NRG3: variants seen among roughly 807,000 people sequenced by gnomAD.
The protein encoded by NRG3 is neuregulin 3.
NRG3 carries 31 observed loss-of-function variants against 66.9 expected under a neutral mutation model. The observed-to-expected ratio is 0.46, with a 90% CI of 0.35 to 0.63. The LOEUF (loss-of-function observed/expected upper bound fraction) is 0.63, where lower values mean the gene tolerates loss of function less well. Ranked by LOEUF, NRG3 falls within the 20% of genes least tolerant of loss-of-function variation. The probability of loss-of-function intolerance (pLI) is 0.00; values close to 1 mark genes in which losing one functional copy is unlikely to be tolerated. For synonymous variants in NRG3, 393 were observed against 359.4 expected, an observed-to-expected ratio of 1.09 and a Z score of -1.06; for missense variants, 910 against 878.9, an observed-to-expected ratio of 1.04 and a Z score of -0.45.
At chr10:82,664,641 G>T (rs1390988032) in intron 2 of NRG3, among the ~76,000 whole-genome samples, 3 of 151,998 alleles carry the variant, frequency 2.0e-5, no homozygotes, top group Non-Finnish European at 4.4e-5. Flanking sequence ...TGGATGGAGG[G>T]TCTTCAGGGG....
At chr10:82,597,334 TG>T (rs2047345501) in intron 2 of NRG3, among the ~76,000 whole-genome samples, 1 of 152,176 alleles carries the variant, frequency 6.6e-6, no homozygotes, top group South Asian at 2.1e-4. Flanking sequence ...TTAGAACAAA[TG>T]CAGAATTTCA....
rs562612207 is a variant in NRG3 at position 82,838,373 on chromosome 10, C to A, written c.1028-27038C>A. On this transcript the variant is annotated intron_variant, in intron 3 of 8. Coordinates refer to ENST00000372141, the MANE Select transcript of NRG3 (RefSeq NM_001010848.4). ...AGAGACGAAAAGAAGAGATTTTGTA[C>A]CATTCATGATGACATTTGAAAATAA... 2.6e-4 allele frequency among the ~76,000 whole-genome samples: 39 copies of A among 152,164 alleles called. No individual in the cohort carries two copies. In the South Asian group the frequency reaches 8.1e-3, roughly 32 times the overall value.
intron 1 of NRG3, among the ~76,000 whole-genome samples, chr10:82,198,046 G>T (rs989824794): frequency 1.3e-5 from 2 of 152,028 alleles, no homozygotes; most frequent in African/African-American, 2.4e-5. Context: ...TGAACATTTT[G>T]TACACAATAG....
chr10:82,622,188 C>T (rs1202901758), intron 2 of NRG3, among the ~76,000 whole-genome samples: 1 of 151,894 alleles, frequency 6.6e-6, no homozygotes, highest in Admixed American at 6.6e-5. Flanking sequence ...GAAAAGTTAG[C>T]TATGCTATTT....
intron 1 of NRG3, among the ~76,000 whole-genome samples, chr10:81,882,172 T>A (rs1169307610): frequency 1.3e-5 from 2 of 152,218 alleles, no homozygotes; most frequent in Non-Finnish European, 2.9e-5. Context: ...ACAACTCAGC[T>A]GGCAGTTGCA....
Position 81,875,444 on chromosome 10 carries a change from G to T in NRG3, c.104G>T (p.Gly35Val). 8.4e-7 allele frequency: 1 copy of T among 1,197,530 alleles called. No homozygotes were observed. The highest frequency in any genetic ancestry group is 1.0e-6 in the Non-Finnish European group (1 of 966,550). 74.2% of individuals were successfully genotyped at this position (1,197,530 alleles called of 1,614,324 possible). A position where few individuals can be genotyped will look rare whatever the true frequency, so the allele number is the denominator to read the frequency against. Residue 35 changes from glycine to valine, a missense_variant, in exon 1 of 9, where the codon GGC becomes GTC. Gly to Val is a moderately radical substitution (Grantham distance 109). Coordinates refer to ENST00000372141, the MANE Select transcript of NRG3 (RefSeq NM_001010848.4). The surrounding 1 kb of genome is among the most constrained non-coding windows in gnomAD (Gnocchi z 5.3). Reference sequence around the variant, plus strand: ...GCGGCTGCGGCGGCGGCAGCGGCGGGCGGGGGCCCGGACGGCGGCGGCGAA... The same window carrying T: ...GCGGCTGCGGCGGCGGCAGCGGCGGTCGGGGGCCCGGACGGCGGCGGCGAA... Reference protein sequence around the residue: ...TAAAAAAAAAGGGPDGGGEGA... With the variant: ...TAAAAAAAAAVGGPDGGGEGA...
At chr10:82,388,464 G>A (rs1199129019) in intron 2 of NRG3, among the ~76,000 whole-genome samples, 2 of 152,082 alleles carry the variant, frequency 1.3e-5, no homozygotes, top group African/African-American at 2.4e-5. Context: ...TGTGAGACAG[G>A]TAATTTGCTA....
intron 3 of NRG3, among the ~76,000 whole-genome samples, chr10:82,781,704 T>C (rs2060123692): frequency 1.3e-5 from 2 of 152,090 alleles, no homozygotes; most frequent in Non-Finnish European, 2.9e-5. Context: ...TGTCATGGGT[T>C]TCATGAGGTA....
At chr10:82,636,693 G>A (rs1221289149) in intron 2 of NRG3, among the ~76,000 whole-genome samples, 2 of 152,056 alleles carry the variant, frequency 1.3e-5, no homozygotes, top group Non-Finnish European at 2.9e-5. Flanking sequence ...TCTAAATAAT[G>A]TTGCAATGAA....
chr10:82,229,921 A>T (rs2076370477), intron 1 of NRG3, among the ~76,000 whole-genome samples: 1 of 152,226 alleles, frequency 6.6e-6, no homozygotes, highest in Non-Finnish European at 1.5e-5. Context: ...TGAACAGTGA[A>T]AAAATGAAAC....
chr10:82,698,458 T>C (rs1303289081), intron 2 of NRG3, among the ~76,000 whole-genome samples: 1 of 152,160 alleles, frequency 6.6e-6, no homozygotes, highest in South Asian at 2.1e-4. Flanking sequence ...AATAATACCA[T>C]GATAAAATAA....
At chr10:82,118,300 C>G (rs928198454) in intron 1 of NRG3, among the ~76,000 whole-genome samples, 1 of 151,580 alleles carries the variant, frequency 6.6e-6, no homozygotes, top group Non-Finnish European at 1.5e-5. Flanking sequence ...CAGGGGCCCT[C>G]TTTTTTCCTT....
chr10:82,639,937 A>G (rs535064084), intron 2 of NRG3, among the ~76,000 whole-genome samples: 5 of 151,968 alleles, frequency 3.3e-5, no homozygotes, highest in African/African-American at 4.8e-5. Context: ...CCACCCTCCA[A>G]TAGGCCCCAG....
chr10:82,778,254 A>G (rs1313670004), intron 3 of NRG3, among the ~76,000 whole-genome samples: 1 of 152,200 alleles, frequency 6.6e-6, no homozygotes, highest in Non-Finnish European at 1.5e-5. Flanking sequence ...ACTAAAGCTC[A>G]AATTCCTGAG....
chr10:82,523,470 G>T (rs745550843), intron 2 of NRG3, among the ~76,000 whole-genome samples: 1 of 151,750 alleles, frequency 6.6e-6, no homozygotes, highest in Non-Finnish European at 1.5e-5. Flanking sequence ...TCTCTGATAG[G>T]TAATGATGGT....
intron 1 of NRG3, among the ~76,000 whole-genome samples, chr10:81,924,174 G>A (rs1285244393): frequency 6.6e-6 from 1 of 152,086 alleles, no homozygotes; most frequent in Non-Finnish European, 1.5e-5. Context: ...GACTATAGGA[G>A]GCACAGAACA....
chr10:82,879,574 G>A (rs1479195497), intron 4 of NRG3, among the ~76,000 whole-genome samples: 1 of 147,340 alleles, frequency 6.8e-6, no homozygotes, highest in Non-Finnish European at 1.5e-5. Flanking sequence ...CCGGCTTCAC[G>A]CCATTCTCCT....
chr10:82,712,670 A>G (rs1346067481), intron 2 of NRG3, among the ~76,000 whole-genome samples: 1 of 152,168 alleles, frequency 6.6e-6, no homozygotes, highest in African/African-American at 2.4e-5. Flanking sequence ...GATGCTGGTC[A>G]GGGCAGGGCT....
At chr10:82,182,667 C>T (rs1258201202) in intron 1 of NRG3, among the ~76,000 whole-genome samples, 1 of 151,816 alleles carries the variant, frequency 6.6e-6, no homozygotes, top group Admixed American at 6.6e-5. Flanking sequence ...TTGATTTATG[C>T]ACCATGCTTA....
Sources: gnomAD v4.1 joint callset for allele counts (sites outside exome capture counted in the v4.1 genomes callset) on GRCh38, gnomAD v4.1.1 for gene constraint, Gnocchi (gnomAD v3.1) non-coding constraint, MANE v1.5 for transcripts, NCBI Gene and HGNC (gene_info 2026-07-23, HGNC 2026-07-21) for gene names.